Variants in MDM2 observed in about 807,000 individuals in gnomAD.
MDM2 encodes MDM2 proto-oncogene, also known as E3 ubiquitin-protein ligase Mdm2.
In MDM2, 11 loss-of-function variants were observed where a neutral mutation model predicts 64.3. That is an observed-to-expected ratio of 0.17 (90% CI 0.11 to 0.28). The LOEUF is 0.28. Ranked by LOEUF, MDM2 falls within the 10% of genes least tolerant of loss-of-function variation. The probability of loss-of-function intolerance (pLI) is 1.00; values close to 1 mark genes in which losing one functional copy is unlikely to be tolerated. For synonymous variants in MDM2, 194 were observed against 192.9 expected (o/e 1.01, Z -0.05); for missense variants, 388 against 577.1 (o/e 0.67, Z 3.36).
rs926040960 is a variant in MDM2 at position 68,840,766 on chromosome 12, C to T, written c.*917C>T. 1.8e-5 allele frequency: 3 copies of T among 167,080 alleles called. No homozygotes were observed. The highest frequency in any genetic ancestry group is 1.2e-4 in the East Asian group (1 of 8,568). 10.3% of individuals were successfully genotyped at this position (167,080 alleles called of 1,614,324 possible). Reference sequence around the variant, plus strand: ...AGTGAGGTCACCCGCCTCGGCCTCCCGAAGTGCTGGGATTGCAGATGTGAG... The same window carrying T: ...AGTGAGGTCACCCGCCTCGGCCTCCTGAAGTGCTGGGATTGCAGATGTGAG... On this transcript the variant is annotated 3_prime_UTR_variant, in exon 11 of 11. Transcript: ENST00000258149.
At chr12:68,811,961 G>A (rs1488852023) in intron 2 of MDM2, among the ~76,000 whole-genome samples, 1 of 151,346 alleles carries the variant, frequency 6.6e-6, no homozygotes, top group Non-Finnish European at 1.5e-5. Flanking sequence ...GGCCAGGCTG[G>A]TCTCACACTC....
At position 68,823,836 on chromosome 12, in the gene MDM2, T is replaced by TGCA. The variant is rs546027719; in HGVS notation, c.359-525_359-523dup. Among the ~76,000 whole-genome samples the TGCA allele has an allele frequency of 3.3e-5, 5 of 152,284 alleles. No homozygotes were observed. The East Asian group carries it at 7.7e-4, about 24-fold the overall frequency. Reference sequence around the variant, plus strand: ...ATTCTGAAGTATCTGCGGGGAAGAATGCAGTGATAAGGGAATGACAGCATG... The same window carrying TGCA: ...ATTCTGAAGTATCTGCGGGGAAGAATGCAGCAGTGATAAGGGAATGACAGCATG... On this transcript the variant is annotated intron_variant, in intron 5 of 10. Coordinates refer to ENST00000258149, the MANE Select transcript of MDM2 (RefSeq NM_002392.6).
At position 68,832,815 on chromosome 12, in the gene MDM2, G is replaced by A. The variant is rs538240457; in HGVS notation, c.685-3014G>A. On this transcript the variant is annotated intron_variant, in intron 8 of 10. Coordinates refer to ENST00000258149, the MANE Select transcript of MDM2 (RefSeq NM_002392.6). ...TTACAGGCATGAGCCACCACCTCCA[G>A]CCTGATGCTTTTTAAATATATAGTA... is the stretch of plus-strand genomic sequence containing the variant. 5.3e-5 allele frequency among the ~76,000 whole-genome samples: 8 copies of A among 151,834 alleles called. No homozygotes were observed. The East Asian group carries it at 1.6e-3, about 29-fold the overall frequency.
At chr12:68,824,222 A>C in intron 5 of MDM2, 141 bp from the exon 6 acceptor site, 1 of 594,832 alleles carries the variant, frequency 1.7e-6, no homozygotes, top group South Asian at 2.4e-5. Context: ...TGAGGATGCC[A>C]CCTGGAAAAT....
chr12:68,816,362 C>CTTTTTTTTTTTTTT (rs62874563), intron 3 of MDM2, among the ~76,000 whole-genome samples: 3 of 61,084 alleles, frequency 4.9e-5, no homozygotes. Flanking sequence ...TTAAAAGTAG[C>CTTTTTTTTTTTTTT]TTTTTTTTTT....
chr12:68,836,049 T>A, intron 9 of MDM2, 65 bp downstream of exon 9: 1 of 1,320,476 alleles, frequency 7.6e-7, no homozygotes, highest in Non-Finnish European at 1.0e-6. Flanking sequence ...GTTCATTGAC[T>A]TTGAGATTGA....
At chr12:68,836,627 A>G in intron 9 of MDM2, 45 bp from the exon 10 acceptor site, 1 of 1,367,574 alleles carries the variant, frequency 7.3e-7, no homozygotes, top group South Asian at 1.2e-5. Context: ...TTCTGATTGA[A>G]GGAAATAGGG....
chr12:68,820,670 A>C (rs1881768083), intron 5 of MDM2, among the ~76,000 whole-genome samples: 1 of 152,212 alleles, frequency 6.6e-6, no homozygotes, highest in Non-Finnish European at 1.5e-5. Flanking sequence ...TCTACCTTGA[A>C]AATGTATTGA....
intron 4 of MDM2, among the ~76,000 whole-genome samples, chr12:68,819,713 G>A (rs975911800): frequency 2.6e-5 from 4 of 152,156 alleles, no homozygotes; most frequent in Non-Finnish European, 5.9e-5. Flanking sequence ...CTGGTCTTGA[G>A]CTCCAGGCCT....
intron 8 of MDM2, among the ~76,000 whole-genome samples, chr12:68,829,997 A>G (rs928128002): frequency 3.9e-5 from 6 of 152,230 alleles, no homozygotes; most frequent in Admixed American, 3.3e-4. Context: ...CCTGTGGGCC[A>G]TATGCCAGGA....
intron 7 of MDM2, chr12:68,828,477 G>C (rs1882519199): frequency 3.7e-6 from 1 of 271,794 alleles, no homozygotes; most frequent in South Asian, 4.9e-5. Context: ...CTGAGGTTGA[G>C]GTGGGAGGAT....
intron 4 of MDM2, 24 bp from the exon 5 acceptor site, chr12:68,820,298 GTTA>G: frequency 6.8e-7 from 1 of 1,468,284 alleles, no homozygotes; most frequent in Non-Finnish European, 9.4e-7. Context: ...TACATCTCTT[GTTA>G]TTTTTTTTTT....
Position 68,839,903 on chromosome 12 carries a change from T to C in MDM2, c.*54T>C. The C allele has an allele frequency of 1.3e-6, 2 of 1,485,024 alleles. No homozygotes were observed. Among genetic ancestry groups the C allele is most frequent in the Non-Finnish European group, 1.8e-6 (2 of 1,095,906 alleles). 92.0% of individuals were successfully genotyped at this position (1,485,024 alleles called of 1,614,324 possible). A position where few individuals can be genotyped will look rare whatever the true frequency, so the allele number is the denominator to read the frequency against. The stretch of plus-strand genomic sequence containing the variant: ...TTCTAACTATATAACCCTAGGAATT[T>C]AGACAACCTGAAATTTATTCACATA... On this transcript the variant is annotated 3_prime_UTR_variant, in exon 11 of 11. Coordinates refer to ENST00000258149, the MANE Select transcript of MDM2 (RefSeq NM_002392.6).
intron 2 of MDM2, among the ~76,000 whole-genome samples, chr12:68,809,963 A>G (rs1225487367): frequency 2.0e-5 from 3 of 152,188 alleles, no homozygotes; most frequent in Non-Finnish European, 4.4e-5. Context: ...TGAGTATTAC[A>G]GATAGTGCCG....
intron 7 of MDM2, among the ~76,000 whole-genome samples, chr12:68,826,079 C>A (rs1252730539): frequency 6.6e-6 from 1 of 152,026 alleles, no homozygotes; most frequent in Non-Finnish European, 1.5e-5. Context: ...ATTAAAACTT[C>A]AAATAGCAAA....
downstream of MDM2, chr12:68,847,888 G>C (rs539965210): frequency 1.3e-5 from 2 of 152,384 alleles, no homozygotes; most frequent in African/African-American, 4.8e-5. Flanking sequence ...TCCTGGGCCA[G>C]GCTCTGTGAC....
rs990447569 is a variant in MDM2 at position 68,839,874 on chromosome 12, A to G, written c.*25A>G. ...GTTGACCTGTCTATAAGAGAATTAT[A>G]TATTTCTAACTATATAACCCTAGGA... is the stretch of plus-strand genomic sequence containing the variant. On this transcript the variant is annotated 3_prime_UTR_variant, in exon 11 of 11. Coordinates refer to ENST00000258149, the MANE Select transcript of MDM2 (RefSeq NM_002392.6). The G allele has an allele frequency of 2.5e-6, 4 of 1,598,814 alleles. No individual in the cohort carries two copies. Among genetic ancestry groups the G allele is most frequent in the African/African-American group, 1.3e-5 (1 of 74,118 alleles).
In MDM2 at chr12:68,836,674, A is replaced by G. The variant is rs1200414223; in HGVS notation, c.843A>G (p.Val281=). Residue 281 remains valine (V), a splice_region_variant and synonymous_variant, in exon 10 of 11, where the codon GTA becomes GTG. Transcript: ENST00000258149. The part of the protein sequence containing the change: ...GQELSDEDDE[V]YQVTVYQAGE... ...TGCTAATGAATGTGTTTTATTAGGT[A>G]TATCAAGTTACTGTGTATCAGGCAG... is the stretch of plus-strand genomic sequence containing the variant. 5.0e-6 allele frequency: 8 copies of G among 1,606,092 alleles called. No homozygotes were observed. The highest frequency in any genetic ancestry group is 1.7e-5 in the Admixed American group (1 of 59,976).
Position 68,842,981 on chromosome 12 carries a change from C to T in MDM2, c.*3132C>T. The T allele has an allele frequency of 4.7e-6, 1 of 210,950 alleles. No homozygotes were observed. Among genetic ancestry groups the T allele is most frequent in the Non-Finnish European group, 9.6e-6 (1 of 103,988 alleles). The allele number at this position is 210,950 out of a possible 1,614,324, so 13.1% of individuals were successfully genotyped here. A position where few individuals can be genotyped will look rare whatever the true frequency, so the allele number is the denominator to read the frequency against. On this transcript the variant is annotated 3_prime_UTR_variant, in exon 11 of 11. Transcript: ENST00000258149. ...TGACACTATATAATTTCTGCTTTGGCAAATACTAAGTTCTAACTTGTCATT... is the reference window on the plus strand; with the variant it reads ...TGACACTATATAATTTCTGCTTTGGTAAATACTAAGTTCTAACTTGTCATT...
Sources: allele counts gnomAD v4.1 joint callset (sites outside exome capture counted in the v4.1 genomes callset), GRCh38; gene constraint gnomAD v4.1.1; transcripts MANE v1.5; gene names NCBI Gene and HGNC (gene_info 2026-07-23, HGNC 2026-07-21).